Variants in SLC17A9 observed in about 807,000 individuals in gnomAD.
SLC17A9 encodes the protein solute carrier family 17 member 9.
Under a neutral mutation model 55.0 loss-of-function variants are expected in SLC17A9, and 49 were observed. That is an observed-to-expected ratio of 0.89 (90% CI 0.71 to 1.13). The LOEUF is 1.13. Ranked by LOEUF, SLC17A9 falls within the 50% of genes most tolerant of loss-of-function variation. The pLI is 0.00. For synonymous variants in SLC17A9, 256 were observed against 247.4 expected (o/e 1.03, Z -0.32); for missense variants, 526 against 569.3 (o/e 0.92, Z 0.77).
intron 12 of SLC17A9, 90 bp from the exon 13 acceptor site, chr20:62,967,247 C>A (rs2147662871): frequency 6.6e-7 from 1 of 1,509,800 alleles, no homozygotes; most frequent in Non-Finnish European, 9.1e-7. Flanking sequence ...ACCCCCAGCC[C>A]TTCCCCTGGC....
intron 3 of SLC17A9, among the ~76,000 whole-genome samples, chr20:62,959,673 G>A (rs2065572449): frequency 1.3e-5 from 2 of 152,256 alleles, no homozygotes; most frequent in African/African-American, 2.4e-5. Context: ...CCTCTGAGCC[G>A]TGAGCCTATG....
chr20:62,965,835 T>A, intron 10 of SLC17A9, 110 bp downstream of exon 10: 1 of 1,011,170 alleles, frequency 9.9e-7, no homozygotes, highest in Middle Eastern at 3.0e-4. Context: ...TCCTCACACT[T>A]CACCCCCTTC....
Position 62,962,592 on chromosome 20 carries a change from G to A in SLC17A9, c.498-32G>A. ...CTCCTCACCCGAGGGGTGCCGCTGA[G>A]GGGCCTGGCCACACTCCCCCTGTCT... is the stretch of plus-strand genomic sequence containing the variant. On this transcript the variant is annotated intron_variant, in intron 4 of 12. Coordinates refer to ENST00000370351, the MANE Select transcript of SLC17A9 (RefSeq NM_022082.4). The surrounding 1 kb of genome is among the most constrained non-coding windows in gnomAD (Gnocchi z 5.5). The A allele has an allele frequency of 6.2e-7, 1 of 1,611,084 alleles. No homozygotes were observed. Among genetic ancestry groups the A allele is most frequent in the Non-Finnish European group, 8.5e-7 (1 of 1,178,300 alleles).
intron 9 of SLC17A9, 124 bp downstream of exon 9, chr20:62,965,290 A>C (rs938488098): frequency 2.1e-5 from 27 of 1,300,788 alleles, no homozygotes; most frequent in African/African-American, 1.0e-4. Context: ...AGGCCTCTCC[A>C]TGTGTCCAGC....
intron 3 of SLC17A9, among the ~76,000 whole-genome samples, chr20:62,959,379 G>A (rs1349216033): frequency 6.6e-6 from 1 of 152,206 alleles, no homozygotes; most frequent in Non-Finnish European, 1.5e-5. Context: ...CTGTTTTCTA[G>A]AAACCTTCAA....
chr20:62,966,491 C>G, intron 10 of SLC17A9, 34 bp from the exon 11 acceptor site: 3 of 1,611,150 alleles, frequency 1.9e-6, no homozygotes, highest in Non-Finnish European at 2.5e-6. Context: ...CGGTGGTGGC[C>G]AGGGCCACTC....
At chr20:62,957,828 C>T (rs1373924837) in intron 3 of SLC17A9, among the ~76,000 whole-genome samples, 6 of 143,986 alleles carry the variant, frequency 4.2e-5, no homozygotes, top group Non-Finnish European at 9.1e-5. Flanking sequence ...TATGGGCATG[C>T]CCGCGTGCAT....
chr20:62,964,185 A>G (rs2427464), intron 7 of SLC17A9, 43 bp from the exon 8 acceptor site: 1,600,396 of 1,602,910 alleles, frequency 1, 798,978 homozygotes, highest in East Asian at 1. Flanking sequence ...AGATGGCCAG[A>G]TGCCGGCCCT....
chr20:62,965,529 G>A (rs568118882), intron 9 of SLC17A9, 81 bp from the exon 10 acceptor site: 347 of 1,336,058 alleles, frequency 2.6e-4, no homozygotes, highest in Non-Finnish European at 3.6e-4. Context: ...GCCCAGGGGG[G>A]CTTTCGGGCA....
chr20:62,956,225 T>C (rs1365821041), intron 1 of SLC17A9, among the ~76,000 whole-genome samples: 1 of 152,106 alleles, frequency 6.6e-6, no homozygotes, highest in African/African-American at 2.4e-5. Context: ...GTGGGAAGCG[T>C]CTAGGCGCAG....
At chr20:62,966,630 G>A (rs1485931825) in intron 11 of SLC17A9, 50 bp downstream of exon 11, 2 of 1,613,738 alleles carry the variant, frequency 1.2e-6, no homozygotes, top group Admixed American at 1.7e-5. Flanking sequence ...GCCTCCGGGT[G>A]GGTGAGCCAT....
intron 1 of SLC17A9, 132 bp downstream of exon 1, chr20:62,953,021 GC>G: frequency 8.1e-7 from 1 of 1,231,474 alleles, no homozygotes. Context: ...TGGCTGTGGG[GC>G]CCCCTGTGTT....
chr20:62,964,098 C>T, intron 7 of SLC17A9, 130 bp from the exon 8 acceptor site: 1 of 881,374 alleles, frequency 1.1e-6, no homozygotes, highest in Admixed American at 1.8e-5. Context: ...TTCCCAGGAG[C>T]AGGGCTGGCC....
chr20:62,957,761 T>TG (rs1555858882), intron 3 of SLC17A9, among the ~76,000 whole-genome samples, 181 bp downstream of exon 3: 1 of 142,236 alleles, frequency 7.0e-6, no homozygotes, highest in Non-Finnish European at 1.5e-5. Flanking sequence ...AGTGTGTGTA[T>TG]GGCATGCCCG....
chr20:62,959,084 G>C (rs1253972534), intron 3 of SLC17A9, among the ~76,000 whole-genome samples: 1 of 152,210 alleles, frequency 6.6e-6, no homozygotes, highest in Non-Finnish European at 1.5e-5. Context: ...CTGGCGGGGG[G>C]TGGGGGCCCT....
In SLC17A9 at chr20:62,962,567, C is replaced by T. The variant is rs1409507985; in HGVS notation, c.498-57C>T. The T allele has an allele frequency of 6.3e-7, 1 of 1,591,200 alleles. No homozygotes were observed. The highest frequency in any genetic ancestry group is 1.8e-5 in the Admixed American group (1 of 56,746). ...CCAGGGTGGGGTTTCTGAGAGGCCCCTCCTCACCCGAGGGGTGCCGCTGAG... is the reference window on the plus strand; with the variant it reads ...CCAGGGTGGGGTTTCTGAGAGGCCCTTCCTCACCCGAGGGGTGCCGCTGAG... On this transcript the variant is annotated intron_variant, in intron 4 of 12. Coordinates refer to ENST00000370351, the MANE Select transcript of SLC17A9 (RefSeq NM_022082.4). The surrounding 1 kb of genome is among the most constrained non-coding windows in gnomAD (Gnocchi z 5.5).
At chr20:62,965,865 C>A in intron 10 of SLC17A9, 140 bp downstream of exon 10, 1 of 756,378 alleles carries the variant, frequency 1.3e-6, no homozygotes, top group Non-Finnish European at 2.2e-6. Flanking sequence ...TGGGCAGTGA[C>A]TGCACTGAAG....
At chr20:62,967,110 A>G in intron 12 of SLC17A9, 1 of 595,464 alleles carries the variant, frequency 1.7e-6, no homozygotes, top group Non-Finnish European at 2.9e-6. Context: ...GGGACTTGTT[A>G]CCAGGCCATT....
At chr20:62,960,705 G>A in intron 4 of SLC17A9, 102 bp downstream of exon 4, 1 of 1,152,972 alleles carries the variant, frequency 8.7e-7, no homozygotes. Context: ...GGGCTTGCAG[G>A]GCCACCATGG....
Sources: gnomAD v4.1 joint callset for allele counts (sites outside exome capture counted in the v4.1 genomes callset) on GRCh38, gnomAD v4.1.1 for gene constraint, Gnocchi (gnomAD v3.1) non-coding constraint, MANE v1.5 for transcripts, NCBI Gene and HGNC (gene_info 2026-07-23, HGNC 2026-07-21) for gene names.